The following SDHAF4 variants were observed in gnomAD, a reference collection of about 807,000 sequenced individuals.
The protein encoded by SDHAF4 is succinate dehydrogenase complex assembly factor 4, also known as succinate dehydrogenase assembly factor 4, mitochondrial.
Under a neutral mutation model 14.3 loss-of-function variants are expected in SDHAF4, and 14 were observed. That is an observed-to-expected ratio of 0.98 (90% CI 0.65 to 1.53). SDHAF4 has a LOEUF of 1.53. Among genes scored for constraint, SDHAF4 ranks in the 40% most tolerant of loss-of-function variants. SDHAF4 has a pLI of 0.00. For missense variants in SDHAF4, 141 were observed against 129.3 expected (o/e 1.09, Z -0.44); for synonymous variants, 63 against 47.3 (o/e 1.33, Z -1.36).
At chr6:70,597,299 ATTTTTTTT>A in the SDHAF4 span, among the ~76,000 whole-genome samples, 1 of 108,100 alleles carries the variant, frequency 9.3e-6, no homozygotes, top group African/African-American at 3.9e-5. Context: ...CGCCTGGCTA[ATTTTTTTT>A]TTTTTTTTTT....
At chr6:70,573,782 G>T (rs1447418577) in intron 1 of SDHAF4, among the ~76,000 whole-genome samples, 9 of 149,148 alleles carry the variant, frequency 6.0e-5, no homozygotes, top group Non-Finnish European at 1.3e-4. Context: ...TCAAGCGATT[G>T]TCTTGCCTCA....
chr6:70,584,795 G>A (rs1032250431), intron 2 of SDHAF4, among the ~76,000 whole-genome samples: 1 of 152,154 alleles, frequency 6.6e-6, no homozygotes, highest in African/African-American at 2.4e-5. Flanking sequence ...AAGTAGATAC[G>A]AAAGTCATCA....
the SDHAF4 span, among the ~76,000 whole-genome samples, chr6:70,597,754 C>A: frequency 1.6e-4 from 24 of 152,200 alleles, no homozygotes; most frequent in Non-Finnish European, 2.8e-4. Flanking sequence ...ATTTTATAAT[C>A]AAATGTGTTC....
At chr6:70,573,680 T>A (rs142384284) in intron 1 of SDHAF4, among the ~76,000 whole-genome samples, 3,839 of 151,294 alleles carry the variant, frequency 0.025, 164 homozygotes, top group African/African-American at 0.088. Flanking sequence ...TTTTTTTATT[T>A]TTTTTTTATT....
At chr6:70,590,872 T>C (rs139103829), downstream of SDHAF4, among the ~76,000 whole-genome samples, 1 of 152,122 alleles carries the variant, frequency 6.6e-6, no homozygotes, top group African/African-American at 2.4e-5. Context: ...GCTGAACACC[T>C]GAAGACCCAA....
At chr6:70,571,477 G>A (rs1387291573) in intron 1 of SDHAF4, among the ~76,000 whole-genome samples, 2 of 152,114 alleles carry the variant, frequency 1.3e-5, no homozygotes, top group Non-Finnish European at 2.9e-5. Flanking sequence ...ACCACTCCCA[G>A]CTAATTTTTG....
intron 2 of SDHAF4, among the ~76,000 whole-genome samples, chr6:70,587,456 C>T (rs770316715): frequency 6.6e-6 from 1 of 152,176 alleles, no homozygotes; most frequent in Non-Finnish European, 1.5e-5. Flanking sequence ...CACGCCACTC[C>T]ACTACTCCAG....
chr6:70,570,058 T>C (rs1802160089), intron 1 of SDHAF4, among the ~76,000 whole-genome samples: 1 of 152,166 alleles, frequency 6.6e-6, no homozygotes, highest in African/African-American at 2.4e-5. Flanking sequence ...CATATAGGCA[T>C]ACGTTTATTT....
chr6:70,579,425 C>T lies in SDHAF4; in HGVS notation c.76C>T (p.Leu26=). ...CTCCACTCTTCTAGGATCACCCCTT[C>T]TGTGTCATTCTCTGAGGAAAACAAG... ...TAWRAARSPL[L]CHSLRKTSSS... Residue 26 remains leucine (L), a synonymous_variant, in exon 2 of 3, where the codon CTG becomes TTG. Coordinates refer to ENST00000370474, the MANE Select transcript of SDHAF4 (RefSeq NM_145267.3). The T allele has an allele frequency of 6.3e-7, 1 of 1,599,132 alleles. No homozygotes were observed.
chr6:70,576,389 A>G (rs568126360), intron 1 of SDHAF4, among the ~76,000 whole-genome samples: 1 of 152,348 alleles, frequency 6.6e-6, no homozygotes, highest in East Asian at 1.9e-4. Flanking sequence ...GAAGTCTGCA[A>G]GGTCATATTA....
At chr6:70,569,783 A>G (rs1159255814) in intron 1 of SDHAF4, among the ~76,000 whole-genome samples, 1 of 152,128 alleles carries the variant, frequency 6.6e-6, no homozygotes, top group Non-Finnish European at 1.5e-5. Flanking sequence ...GTTTATTGTG[A>G]CTGCCTTGTG....
At chr6:70,579,379 C>A in intron 1 of SDHAF4, 35 bp from the exon 2 acceptor site, 2 of 1,378,160 alleles carry the variant, frequency 1.5e-6, no homozygotes, top group African/African-American at 1.5e-5. Context: ...AATAAATGAA[C>A]AGCTCCTATT....
At chr6:70,571,554 A>G (rs1802178204) in intron 1 of SDHAF4, among the ~76,000 whole-genome samples, 1 of 152,076 alleles carries the variant, frequency 6.6e-6, no homozygotes, top group Non-Finnish European at 1.5e-5. Context: ...ACCTCGTGAT[A>G]TGCCTGCCTT....
chr6:70,572,470 T>TA (rs1229484122), intron 1 of SDHAF4, among the ~76,000 whole-genome samples: 3 of 152,196 alleles, frequency 2.0e-5, no homozygotes, highest in Non-Finnish European at 4.4e-5. Flanking sequence ...AGTTAAGGCA[T>TA]ATATTAGCTT....
At chr6:70,593,205 G>C (rs1336694258), downstream of SDHAF4, among the ~76,000 whole-genome samples, 1 of 152,246 alleles carries the variant, frequency 6.6e-6, no homozygotes, top group Non-Finnish European at 1.5e-5. Flanking sequence ...CCACTCCAGA[G>C]GGCACAAGCA....
chr6:70,573,993 G>A (rs1163477579), intron 1 of SDHAF4, among the ~76,000 whole-genome samples: 2 of 151,374 alleles, frequency 1.3e-5, no homozygotes, highest in African/African-American at 2.4e-5. Flanking sequence ...AACTTGCAAA[G>A]CCAAAAGTAA....
At chr6:70,595,136 T>A in the SDHAF4 span, among the ~76,000 whole-genome samples, 2 of 152,218 alleles carry the variant, frequency 1.3e-5, no homozygotes, top group East Asian at 3.9e-4. Context: ...TCTGGAATAA[T>A]GGAAGGACAG....
rs1293851592 is a variant in SDHAF4 at position 70,582,137 on chromosome 6, T to C, written c.217+2571T>C. Among the ~76,000 whole-genome samples, 5 of 152,256 alleles carry C rather than the reference T, an allele frequency of 3.3e-5. No individual in the cohort carries two copies. In the South Asian group the frequency reaches 1.0e-3, roughly 32 times the overall value. The stretch of plus-strand genomic sequence containing the variant: ...CCCAGGCTGAAGTGCAGTGGCGCCA[T>C]CACAGCTCACTGCACCCTCAACCTC... On this transcript the variant is annotated intron_variant, in intron 2 of 2. Coordinates refer to ENST00000370474, the MANE Select transcript of SDHAF4 (RefSeq NM_145267.3).
chr6:70,583,791 C>T (rs192194417), intron 2 of SDHAF4, among the ~76,000 whole-genome samples: 12 of 152,246 alleles, frequency 7.9e-5, no homozygotes, highest in Admixed American at 5.2e-4. Context: ...ACATGCAGCC[C>T]GTGGACTGTG....
Sources: gnomAD v4.1 joint callset for allele counts (sites outside exome capture counted in the v4.1 genomes callset) on GRCh38, gnomAD v4.1.1 for gene constraint, MANE v1.5 for transcripts, NCBI Gene and HGNC (gene_info 2026-07-23, HGNC 2026-07-21) for gene names.